Variants in FBXL3 observed in about 807,000 individuals in gnomAD.
FBXL3 encodes the protein F-box/LRR-repeat protein 3.
In FBXL3, 14 loss-of-function variants were observed where a neutral mutation model predicts 37.9. That is an observed-to-expected ratio of 0.37 (90% CI 0.24 to 0.58). The LOEUF (loss-of-function observed/expected upper bound fraction) is 0.58. Ranked by LOEUF, FBXL3 falls within the 20% of genes least tolerant of loss-of-function variation. FBXL3 has a pLI of 0.74. For synonymous variants in FBXL3, 194 were observed against 180.1 expected, an observed-to-expected ratio of 1.08 and a Z score of -0.62; for missense variants, 327 against 511.1, an observed-to-expected ratio of 0.64 and a Z score of 3.47.
At chr13:77,025,028 AATCT>A (rs1166357305) in intron 1 of FBXL3, among the ~76,000 whole-genome samples, 1 of 152,216 alleles carries the variant, frequency 6.6e-6, no homozygotes, top group Non-Finnish European at 1.5e-5. Context: ...TATCTTATTA[AATCT>A]ATTTACACAT....
chr13:77,014,268 C>A (rs1307499444), intron 4 of FBXL3: 2 of 152,240 alleles, frequency 1.3e-5, no homozygotes, highest in East Asian at 3.8e-4. Flanking sequence ...AAAAGCTCCA[C>A]GTGAGTGACC....
At chr13:77,010,525 T>A (rs749154577) in intron 4 of FBXL3, 7 of 152,240 alleles carry the variant, frequency 4.6e-5, no homozygotes, top group Non-Finnish European at 1.0e-4. Context: ...CAGTTTCCTC[T>A]GGCTGATTGC....
rs374294721 is a variant in FBXL3, at chr13:77,018,740, G to A, written c.349-18C>T. ...CTGTCCACCTTAGAAAAGAAACACC[G>A]TTTACTCATGAATATTTTATTATTT... On this transcript the variant is annotated intron_variant, in intron 2 of 4. Coordinates refer to ENST00000355619, the MANE Select transcript of FBXL3 (RefSeq NM_012158.4). 8.8e-5 allele frequency: 134 copies of A among 1,520,322 alleles called. No homozygotes were observed. The African/African-American group carries it at 1.5e-3, about 17-fold the overall frequency. The allele number at this position is 1,520,322 out of a possible 1,614,324, so 94.2% of individuals were successfully genotyped here.
chr13:77,018,756 TTTA>T (rs766388563), intron 2 of FBXL3, 34 bp from the exon 3 acceptor site: 50 of 1,485,528 alleles, frequency 3.4e-5, no homozygotes, highest in Non-Finnish European at 4.0e-5. Flanking sequence ...TCATGAATAT[TTTA>T]TTATTTTTTT....
At chr13:77,016,547 T>C (rs556102869) in intron 3 of FBXL3, 1 of 152,304 alleles carries the variant, frequency 6.6e-6, no homozygotes, top group South Asian at 2.1e-4. Context: ...TTACTTTTTT[T>C]TTTTTTTGAG....
rs535043135 is a variant in FBXL3, at chr13:77,008,419, C to T, written c.644-631G>A. Among the ~76,000 whole-genome samples, 14 of 152,280 alleles carry T rather than the reference C, an allele frequency of 9.2e-5. No homozygotes were observed. The South Asian group carries it at 2.7e-3, about 29-fold the overall frequency. On this transcript the variant is annotated intron_variant, in intron 4 of 4. Transcript: ENST00000355619. ...TAATGGAAATATTCATTATGACTTTCGAAGCTCTAACATACCTAGAAAGCA... is the reference window on the plus strand; with the variant it reads ...TAATGGAAATATTCATTATGACTTTTGAAGCTCTAACATACCTAGAAAGCA...
At chr13:77,011,140 G>A (rs2034543685) in intron 4 of FBXL3, among the ~76,000 whole-genome samples, 1 of 151,982 alleles carries the variant, frequency 6.6e-6, no homozygotes, top group African/African-American at 2.4e-5. Context: ...AGAAGTTCGC[G>A]ACCAGCCTGG....
intron 2 of FBXL3, among the ~76,000 whole-genome samples, chr13:77,020,793 A>G (rs2034729835): frequency 6.6e-6 from 1 of 152,114 alleles, no homozygotes; most frequent in Admixed American, 6.5e-5. Flanking sequence ...GTACAGCTGC[A>G]CAATCATAGC....
intron 4 of FBXL3, among the ~76,000 whole-genome samples, chr13:77,011,593 T>TATGC (rs1203475556): frequency 1.3e-5 from 2 of 151,636 alleles, no homozygotes; most frequent in Admixed American, 6.6e-5. Flanking sequence ...CATAATGGCG[T>TATGC]ATGCCTGTGG....
chr13:77,020,201 C>T (rs2034715619), intron 2 of FBXL3, among the ~76,000 whole-genome samples: 1 of 152,114 alleles, frequency 6.6e-6, no homozygotes. Flanking sequence ...TTCAGGTAAA[C>T]AACAGATATT....
At chr13:77,011,158 G>A (rs538760508) in intron 4 of FBXL3, among the ~76,000 whole-genome samples, 8 of 152,074 alleles carry the variant, frequency 5.3e-5, no homozygotes, top group African/African-American at 1.4e-4. Flanking sequence ...TGGCCAACAC[G>A]GTGAAACCCC....
At chr13:77,022,435 C>T (rs927102717) in intron 1 of FBXL3, among the ~76,000 whole-genome samples, 2 of 152,164 alleles carry the variant, frequency 1.3e-5, no homozygotes, top group South Asian at 4.1e-4. Flanking sequence ...TCAGCAGCTA[C>T]ATTAGATTCT....
At chr13:77,009,783 A>T (rs2034516044) in intron 4 of FBXL3, 2 of 152,232 alleles carry the variant, frequency 1.3e-5, no homozygotes, top group Admixed American at 1.3e-4. Context: ...AAATCATTCT[A>T]CTATAAAGAC....
chr13:77,023,696 G>A (rs2034789062), intron 1 of FBXL3, among the ~76,000 whole-genome samples: 1 of 152,162 alleles, frequency 6.6e-6, no homozygotes, highest in African/African-American at 2.4e-5. Context: ...TAAACTTGGG[G>A]TCACAATCTT....
intron 2 of FBXL3, among the ~76,000 whole-genome samples, chr13:77,019,794 T>C (rs536543701): frequency 3.3e-5 from 5 of 152,002 alleles, no homozygotes; most frequent in Non-Finnish European, 5.9e-5. Context: ...AAGAATCCTG[T>C]GATGTGACTC....
intron 1 of FBXL3, among the ~76,000 whole-genome samples, chr13:77,023,930 T>C (rs1203146543): frequency 6.6e-6 from 1 of 152,194 alleles, no homozygotes; most frequent in Non-Finnish European, 1.5e-5. Context: ...TGAAAGTCAG[T>C]CAAAGACGTC....
chr13:77,007,918 C>G, intron 4 of FBXL3, 130 bp from the exon 5 acceptor site: 1 of 653,382 alleles, frequency 1.5e-6, no homozygotes, highest in Non-Finnish European at 2.5e-6. Context: ...TTAAAATGTG[C>G]ATAGTTGAAT....
chr13:77,020,602 A>ATTTT (rs1304148978), intron 2 of FBXL3, among the ~76,000 whole-genome samples: 5 of 15,932 alleles, frequency 3.1e-4, no homozygotes, highest in African/African-American at 1.3e-3. Flanking sequence ...GTATTCATGC[A>ATTTT]TTGTTTTTTT....
rs1335285047 is a variant in FBXL3, at chr13:77,018,494, G to T, written c.471+106C>A. 5.4e-5 allele frequency: 36 copies of T among 665,192 alleles called. 1 individual carries two copies. The highest frequency in any genetic ancestry group is 7.8e-5 in the African/African-American group (4 of 51,398). 41.2% of individuals were successfully genotyped at this position (665,192 alleles called of 1,614,324 possible). A position where few individuals can be genotyped will look rare whatever the true frequency, so the allele number is the denominator to read the frequency against. The stretch of plus-strand genomic sequence containing the variant: ...TAAATAGTAACTGGTTTTCCATTAT[G>T]TATATATATAACTTTCCTTATACTC... On this transcript the variant is annotated intron_variant, in intron 3 of 4. Coordinates refer to ENST00000355619, the MANE Select transcript of FBXL3 (RefSeq NM_012158.4).
Sources: allele counts gnomAD v4.1 joint callset (sites outside exome capture counted in the v4.1 genomes callset), GRCh38; gene constraint gnomAD v4.1.1; transcripts MANE v1.5; gene names NCBI Gene and HGNC (gene_info 2026-07-23, HGNC 2026-07-21).